Variants in KHDRBS3 observed in about 807,000 individuals in gnomAD.
KHDRBS3 encodes the protein KH domain-containing, RNA-binding, signal transduction-associated protein 3.
A neutral mutation model predicts 45.6 loss-of-function variants in KHDRBS3; 23 were observed. The ratio of observed to expected loss-of-function variants is 0.50; its 90% CI spans 0.36 to 0.72. The LOEUF is 0.72. Among genes scored for constraint, KHDRBS3 ranks in the 30% least tolerant of loss-of-function variants. KHDRBS3 has a pLI of 0.00. For synonymous variants in KHDRBS3, 162 were observed against 156.5 expected, an observed-to-expected ratio of 1.04 and a Z score of -0.26; for missense variants, 352 against 424.8, an observed-to-expected ratio of 0.83 and a Z score of 1.51.
intron 5 of KHDRBS3, among the ~76,000 whole-genome samples, chr8:135,574,357 C>A (rs1419411566): frequency 1.3e-5 from 2 of 152,118 alleles, no homozygotes; most frequent in Non-Finnish European, 1.5e-5. Context: ...TTCAAAATAT[C>A]TTTTATAGAT....
chr8:135,598,627 A>G (rs576601425), intron 6 of KHDRBS3, among the ~76,000 whole-genome samples: 8 of 152,308 alleles, frequency 5.3e-5, no homozygotes, highest in Non-Finnish European at 1.2e-4. Context: ...CTTATTTAGA[A>G]TCATTGTTAA....
intron 5 of KHDRBS3, among the ~76,000 whole-genome samples, chr8:135,561,781 T>G (rs766256902): frequency 1.3e-5 from 2 of 152,132 alleles, no homozygotes; most frequent in Non-Finnish European, 2.9e-5. Flanking sequence ...ATGATCTTGA[T>G]GATCTTGACC....
intron 6 of KHDRBS3, among the ~76,000 whole-genome samples, chr8:135,604,110 A>T (rs984927256): frequency 6.6e-6 from 1 of 151,958 alleles, no homozygotes; most frequent in African/African-American, 2.4e-5. Flanking sequence ...TTTTTTATAT[A>T]TGCATACATG....
intron 1 of KHDRBS3, among the ~76,000 whole-genome samples, chr8:135,505,816 C>T (rs551733739): frequency 6.6e-6 from 1 of 151,406 alleles, no homozygotes; most frequent in African/African-American, 2.4e-5. Flanking sequence ...GTATGGTGAG[C>T]GTGCTTCTGG....
intron 2 of KHDRBS3, among the ~76,000 whole-genome samples, chr8:135,528,757 G>A (rs1825319570): frequency 6.6e-6 from 1 of 152,192 alleles, no homozygotes; most frequent in South Asian, 2.1e-4. Context: ...GTGTGGTGGG[G>A]GCCCTCTTGC....
intron 6 of KHDRBS3, among the ~76,000 whole-genome samples, chr8:135,606,667 T>A (rs180762468): frequency 4.3e-4 from 66 of 152,206 alleles, no homozygotes; most frequent in African/African-American, 1.5e-3. Context: ...ATTCAGCCAT[T>A]TAAAAAAAAG....
chr8:135,536,822 C>T (rs1339872446), intron 2 of KHDRBS3, among the ~76,000 whole-genome samples: 3 of 149,714 alleles, frequency 2.0e-5, no homozygotes, highest in African/African-American at 4.9e-5. Flanking sequence ...TAGCCGGGCG[C>T]GGTGGCGGGC....
At chr8:135,601,274 A>G (rs1355717495) in intron 6 of KHDRBS3, among the ~76,000 whole-genome samples, 3 of 152,160 alleles carry the variant, frequency 2.0e-5, no homozygotes, top group Admixed American at 1.3e-4. Flanking sequence ...AAGAATGAAT[A>G]AGACACAATC....
chr8:135,479,250 A>G (rs1359321352), intron 1 of KHDRBS3, among the ~76,000 whole-genome samples: 2 of 152,246 alleles, frequency 1.3e-5, no homozygotes. Context: ...AAAGACACAA[A>G]TAACTGAAAC....
At chr8:135,458,661 C>T in intron 1 of KHDRBS3, 3 of 354,866 alleles carry the variant, frequency 8.5e-6, no homozygotes, top group Non-Finnish European at 1.7e-5. Context: ...GAGAAGAGGC[C>T]GGCAAAAGAG....
chr8:135,572,376 G>C (rs1297817210), intron 5 of KHDRBS3, among the ~76,000 whole-genome samples: 1 of 152,058 alleles, frequency 6.6e-6, no homozygotes, highest in Non-Finnish European at 1.5e-5. Flanking sequence ...CCAGGAACCA[G>C]TTTGTAACTT....
rs141230078 is a variant in KHDRBS3, at chr8:135,582,858, T to G, written c.807+785T>G. ...TCTTGCTAGGTGCTCTGTGCCTCTT[T>G]GCATAGTTTCTAGAAGGTTGCAATA... On this transcript the variant is annotated intron_variant, in intron 6 of 8. Coordinates refer to ENST00000355849, the MANE Select transcript of KHDRBS3 (RefSeq NM_006558.3). Among the ~76,000 whole-genome samples, 343 of 152,352 alleles carry G rather than the reference T, an allele frequency of 2.3e-3. 1 individual carries two copies. Among genetic ancestry groups the G allele is most frequent in the Non-Finnish European group, 4.2e-3 (286 of 68,034 alleles).
At chr8:135,568,758 C>T (rs925472158) in intron 5 of KHDRBS3, among the ~76,000 whole-genome samples, 2 of 152,142 alleles carry the variant, frequency 1.3e-5, no homozygotes, top group Non-Finnish European at 2.9e-5. Context: ...CAATTTAAGA[C>T]GTTAAAGAAG....
At chr8:135,511,759 C>T (rs1177208327) in intron 1 of KHDRBS3, among the ~76,000 whole-genome samples, 2 of 152,054 alleles carry the variant, frequency 1.3e-5, no homozygotes, top group Admixed American at 6.6e-5. Context: ...GGTGTTTCAC[C>T]GTGTTAGCCA....
intron 2 of KHDRBS3, among the ~76,000 whole-genome samples, chr8:135,535,795 G>A (rs895192105): frequency 2.0e-5 from 3 of 152,138 alleles, no homozygotes; most frequent in Non-Finnish European, 4.4e-5. Flanking sequence ...TGGAGGCTGG[G>A]AAGTCCAAGG....
chr8:135,599,151 T>G (rs1248783461), intron 6 of KHDRBS3, among the ~76,000 whole-genome samples: 1 of 152,222 alleles, frequency 6.6e-6, no homozygotes, highest in African/African-American at 2.4e-5. Context: ...ATGAAGAATC[T>G]CCACCTGTGT....
chr8:135,476,286 G>A (rs1822279544), intron 1 of KHDRBS3, among the ~76,000 whole-genome samples: 1 of 151,964 alleles, frequency 6.6e-6, no homozygotes. Flanking sequence ...TGGGATTGCA[G>A]GTGCACACCA....
intron 7 of KHDRBS3, among the ~76,000 whole-genome samples, chr8:135,614,102 T>G (rs1829816347): frequency 6.6e-6 from 1 of 151,954 alleles, no homozygotes; most frequent in African/African-American, 2.4e-5. Context: ...AACAAAAGTA[T>G]CGTTTATCTA....
At chr8:135,485,711 A>G (rs1274196566) in intron 1 of KHDRBS3, among the ~76,000 whole-genome samples, 2 of 151,922 alleles carry the variant, frequency 1.3e-5, no homozygotes, top group African/African-American at 2.4e-5. Context: ...TGATAAAGAT[A>G]AGGGTGATGA....
Sources: gnomAD v4.1 joint callset for allele counts (sites outside exome capture counted in the v4.1 genomes callset) on GRCh38, gnomAD v4.1.1 for gene constraint, MANE v1.5 for transcripts, NCBI Gene and HGNC (gene_info 2026-07-23, HGNC 2026-07-21) for gene names.